SPTB: variants seen among roughly 807,000 people sequenced by gnomAD.
SPTB encodes the protein spectrin beta chain, erythrocytic.
Under a neutral mutation model 256.2 loss-of-function variants are expected in SPTB, and 45 were observed. The observed-to-expected ratio is 0.18, with a 90% CI of 0.14 to 0.23. The LOEUF (loss-of-function observed/expected upper bound fraction) is 0.23. Ranked by LOEUF, SPTB falls within the 10% of genes least tolerant of loss-of-function variation. The pLI, the probability that SPTB is intolerant of heterozygous loss-of-function variation, is 1.00. For missense variants in SPTB, 2,715 were observed against 3,040.4 expected (o/e 0.89, Z 2.52); for synonymous variants, 1,231 against 1,243.1 (o/e 0.99, Z 0.21).
rs1180510225 is a variant in SPTB, at chr14:64,764,383, C to T, written c.6345+2343G>A. On this transcript the variant is annotated intron_variant, in intron 32 of 35. Transcript: ENST00000644917. The surrounding 1 kb of genome is among the most constrained non-coding windows in gnomAD (Gnocchi z 4.2). ...CAAAAGGCTCAGAAGGGAGCAGCAGCAGGAAATCTGTGCGTGAGGCCTTGG... is the reference window on the plus strand; with the variant it reads ...CAAAAGGCTCAGAAGGGAGCAGCAGTAGGAAATCTGTGCGTGAGGCCTTGG... Among the ~76,000 whole-genome samples, 7 of 152,208 alleles carry T rather than the reference C, an allele frequency of 4.6e-5. No homozygotes were observed. The highest frequency in any genetic ancestry group is 1.7e-4 in the African/African-American group (7 of 41,450).
At position 64,816,080 on chromosome 14, in the gene SPTB, C is replaced by T. The variant is rs1014076773; in HGVS notation, c.148+6867G>A. Among the ~76,000 whole-genome samples, 1 of 152,178 alleles carries T rather than the reference C, an allele frequency of 6.6e-6. No homozygotes were observed. Among genetic ancestry groups the T allele is most frequent in the African/African-American group, 2.4e-5 (1 of 41,422 alleles). ...CCTACAGAGGGTGATCCTTAGTAGT[C>T]AGAGCGAGCCCTAAAAACCCAAATC... On this transcript the variant is annotated intron_variant, in intron 2 of 35. Transcript: ENST00000644917. This position sits in a 1 kb window ranked among gnomAD's most constrained non-coding sequence, Gnocchi z 4.2.
Position 64,802,306 on chromosome 14 carries a change from A to T in SPTB, c.486T>A (p.Ile162=). The T allele has an allele frequency of 1.2e-6, 2 of 1,614,160 alleles. No homozygotes were observed. Among genetic ancestry groups the T allele is most frequent in the Non-Finnish European group, 1.7e-6 (2 of 1,180,006 alleles). The change falls in exon 5 of 36, where the codon ATT becomes ATA. Residue 162 remains isoleucine (I), a synonymous_variant. Coordinates refer to ENST00000644917, the MANE Select transcript of SPTB (RefSeq NM_001355436.2). This position sits in a 1 kb window ranked among gnomAD's most constrained non-coding sequence, Gnocchi z 5.1. ...TIILRFQIQD[I]VVQTQEGRET... ...CACGACCTTCCTGAGTTTGGACCAC[A>T]ATGTCCTGAATCTGAGGGTAGCAGA...
intron 1 of SPTB, among the ~76,000 whole-genome samples, chr14:64,863,612 C>A (rs66511472): frequency 0.13 from 19,443 of 152,210 alleles, 2,063 homozygotes; most frequent in African/African-American, 0.28. Context: ...CTTGTCCCCA[C>A]CTCCCTGCAT....
chr14:64,751,921 A>T (rs958897357), intron 33 of SPTB, among the ~76,000 whole-genome samples: 5 of 142,228 alleles, frequency 3.5e-5, no homozygotes, highest in African/African-American at 1.4e-4. Context: ...ATTTCTACTA[A>T]AAATGCAAAA....
chr14:64,782,191 AC>A (rs1181990965), intron 20 of SPTB, 98 bp downstream of exon 20: 3 of 1,560,792 alleles, frequency 1.9e-6, no homozygotes, highest in Non-Finnish European at 2.6e-6. Context: ...ACAAACCTTC[AC>A]ATGTACCCCC....
rs142967500 is a variant in SPTB, at chr14:64,862,981, C to T, written c.-52+16811G>A. ...AAAATACTGACGCTGGATCCTACCT[C>T]ACATAGAAAGTACAGATACCAGATA... On this transcript the variant is annotated intron_variant, in intron 1 of 35. Coordinates refer to ENST00000644917, the MANE Select transcript of SPTB (RefSeq NM_001355436.2). Among the ~76,000 whole-genome samples the T allele has an allele frequency of 1.1e-3, 164 of 152,246 alleles. 3 individuals carry two copies. In the East Asian group the frequency reaches 0.029, roughly 27 times the overall value.
chr14:64,752,931 A>G (rs1026006127), intron 33 of SPTB, among the ~76,000 whole-genome samples: 1 of 151,912 alleles, frequency 6.6e-6, no homozygotes, highest in Non-Finnish European at 1.5e-5. Context: ...AAACCCAAGG[A>G]CATGACTGTT....
rs1405104238 is a variant in SPTB, at chr14:64,759,806, G to A, written c.6346-6013C>T. The stretch of plus-strand genomic sequence containing the variant: ...CGGAGCAGGGGACACTCTGAAGGAA[G>A]AGAGTCCCGCTGCTTGGAAGAAATT... On this transcript the variant is annotated intron_variant, in intron 32 of 35. Coordinates refer to ENST00000644917, the MANE Select transcript of SPTB (RefSeq NM_001355436.2). This position sits in a 1 kb window ranked among gnomAD's most constrained non-coding sequence, Gnocchi z 4.8. Among the ~76,000 whole-genome samples, 2 of 152,246 alleles carry A rather than the reference G, an allele frequency of 1.3e-5. No homozygotes were observed. Among genetic ancestry groups the A allele is most frequent in the Non-Finnish European group, 2.9e-5 (2 of 68,044 alleles).
At chr14:64,753,824 TC>T (rs765947895) in intron 32 of SPTB, 31 bp from the exon 33 acceptor site, 56 of 1,608,494 alleles carry the variant, frequency 3.5e-5, no homozygotes, top group Non-Finnish European at 4.4e-5. Context: ...AGCACACCTT[TC>T]TGGGTACTCT....
intron 33 of SPTB, among the ~76,000 whole-genome samples, chr14:64,751,429 A>G (rs900407929): frequency 6.6e-6 from 1 of 152,050 alleles, no homozygotes; most frequent in Non-Finnish European, 1.5e-5. Flanking sequence ...CCCTATCCTC[A>G]AATATTTCTT....
chr14:64,838,637 C>T (rs1307280746), intron 1 of SPTB, among the ~76,000 whole-genome samples: 2 of 152,028 alleles, frequency 1.3e-5, no homozygotes, highest in African/African-American at 2.4e-5. Flanking sequence ...TGAAAGTGTG[C>T]TCAAATTCAT....
At chr14:64,771,365 C>G (rs2139497029) in intron 26 of SPTB, among the ~76,000 whole-genome samples, 1 of 152,310 alleles carries the variant, frequency 6.6e-6, no homozygotes, top group Admixed American at 6.5e-5. Flanking sequence ...AGAGGAAATC[C>G]TGCCCTTTGA....
chr14:64,771,261 C>G (rs1452745799), intron 26 of SPTB, 132 bp from the exon 27 acceptor site: 2 of 1,418,412 alleles, frequency 1.4e-6, no homozygotes, highest in Non-Finnish European at 2.0e-6. Flanking sequence ...GGATCTTCAG[C>G]CTCCACCCAG....
rs187773838 is a variant in SPTB, at chr14:64,753,744, G to A, written c.6395C>T (p.Pro2132Leu). 15 of 1,613,644 alleles carry A rather than the reference G, an allele frequency of 9.3e-6. No homozygotes were observed. The highest frequency in any genetic ancestry group is 6.7e-5 in the Admixed American group (4 of 60,016). ...TTTCTGCCCATCCTTGTGCTGACCCGGCGGTGGTGGCTGCTGCAGGTTCTG... is the reference window on the plus strand; with the variant it reads ...TTTCTGCCCATCCTTGTGCTGACCCAGCGGTGGTGGCTGCTGCAGGTTCTG... ...WPQNLQQPPP[P>L]GQHKDGQKST... is the part of the protein sequence containing the mutation. The change falls in exon 33 of 36, where the codon CCG (proline) becomes CTG (leucine). Residue 2132 changes from proline to leucine, a missense_variant. Coordinates refer to ENST00000644917, the MANE Select transcript of SPTB (RefSeq NM_001355436.2).
At chr14:64,878,431 C>A (rs923334679) in intron 1 of SPTB, among the ~76,000 whole-genome samples, 2 of 151,972 alleles carry the variant, frequency 1.3e-5, no homozygotes, top group African/African-American at 4.8e-5. Context: ...CATTTTGGAA[C>A]CTGGGACTCA....
chr14:64,810,717 G>T (rs1042744583), intron 2 of SPTB, among the ~76,000 whole-genome samples: 1 of 151,876 alleles, frequency 6.6e-6, no homozygotes, highest in African/African-American at 2.4e-5. Flanking sequence ...AATCAATCAT[G>T]GTAAATGCTT....
intron 24 of SPTB, among the ~76,000 whole-genome samples, chr14:64,773,746 G>C (rs986630381): frequency 6.6e-6 from 1 of 152,210 alleles, no homozygotes; most frequent in Admixed American, 6.5e-5. Context: ...TGGGGGAGCA[G>C]CACTACCTGA....
chr14:64,772,509 A>T lies in SPTB; in HGVS notation c.5553+71T>A. On this transcript the variant is annotated intron_variant, in intron 26 of 35. Coordinates refer to ENST00000644917, the MANE Select transcript of SPTB (RefSeq NM_001355436.2). The surrounding 1 kb of genome is among the most constrained non-coding windows in gnomAD (Gnocchi z 5.4). ...TTATCCTAGAGGTTTTCCTGCTGAC[A>T]GCCAGGTGGGGACTGACACCCAGGG... The T allele has an allele frequency of 6.3e-7, 1 of 1,583,036 alleles. No individual in the cohort carries two copies. Among genetic ancestry groups the T allele is most frequent in the Non-Finnish European group, 8.5e-7 (1 of 1,172,190 alleles).
In SPTB at chr14:64,793,277, G is replaced by T. The variant is rs559474125; in HGVS notation, c.2386C>A (p.Arg796Ser). The T allele has an allele frequency of 6.2e-7, 1 of 1,606,734 alleles. No homozygotes were observed. Among genetic ancestry groups the T allele is most frequent in the Admixed American group, 1.7e-5 (1 of 60,006 alleles). The stretch of plus-strand genomic sequence containing the variant: ...TGCTCCAGGTGCTCCATCACCCCAC[G>T]GCTCTCCTCCAGCTCCTCCAGGAAG... ...KDFLEELEESRGVMEHLEQQA... is the reference protein window; with the variant it reads ...KDFLEELEESSGVMEHLEQQA... The change falls in exon 14 of 36, where the codon CGT (arginine) becomes AGT (serine). Residue 796 changes from arginine to serine, a missense_variant. Around this residue, in one of 4 missense-constraint regions of SPTB, gnomAD observed 2,239 missense variants for 2,384.4 expected, o/e 0.94. Transcript: ENST00000644917. This position sits in a 1 kb window ranked among gnomAD's most constrained non-coding sequence, Gnocchi z 7.0.
Sources: gnomAD v4.1 joint callset for allele counts (sites outside exome capture counted in the v4.1 genomes callset) on GRCh38, gnomAD v4.1.1 for gene constraint, gnomAD v4.1.1 regional missense constraint, Gnocchi (gnomAD v3.1) non-coding constraint, MANE v1.5 for transcripts, NCBI Gene and HGNC (gene_info 2026-07-23, HGNC 2026-07-21) for gene names.